Variants in PRPF8 observed in about 807,000 individuals in gnomAD.
PRPF8 encodes pre-mRNA-processing-splicing factor 8.
PRPF8 carries 64 observed loss-of-function variants against 285.9 expected under a neutral mutation model. That is an observed-to-expected ratio of 0.22 (90% CI 0.18 to 0.28). The LOEUF (loss-of-function observed/expected upper bound fraction) is 0.28, where lower values mean the gene tolerates loss of function less well. PRPF8 is among the 10% of genes least tolerant of loss of function. The pLI is 1.00. For missense variants in PRPF8, 1,426 were observed against 3,026.7 expected (o/e 0.47, Z 12.41); for synonymous variants, 1,325 against 1,118.2 (o/e 1.18, Z -3.69).
chr17:1,653,848 A>G lies in PRPF8; in HGVS notation c.6156T>C (p.Asp2052=). Residue 2052 remains aspartate, a synonymous_variant, in exon 38 of 43, where the codon GAT becomes GAC. Transcript: ENST00000304992. This position sits in a 1 kb window ranked among gnomAD's most constrained non-coding sequence, Gnocchi z 4.9. The stretch of plus-strand genomic sequence containing the variant: ...TGCTGGTGGTGGAGGTGATGATCTC[A>G]TCGCCATGCTTGTTGACAGTGCGAG... ...TQTRTVNKHG[D]EIITSTTSNY... The G allele has an allele frequency of 6.2e-7, 1 of 1,613,842 alleles. No homozygotes were observed. The highest frequency in any genetic ancestry group is 8.5e-7 in the Non-Finnish European group (1 of 1,179,782).
rs763572963 is a variant in PRPF8, at chr17:1,679,089, G to A, written c.1527C>T (p.His509=). 6.2e-7 allele frequency: 1 copy of A among 1,614,176 alleles called. No individual in the cohort carries two copies. The highest frequency in any genetic ancestry group is 1.7e-5 in the Admixed American group (1 of 60,020). ...QGYNMLNLLI[H]RKNLNYLHLD... ...GGTGCAGGTAGTTGAGGTTTTTGCGGTGAATGAGAAGGTTGAGCATGTTGT... is the reference window on the plus strand; with the variant it reads ...GGTGCAGGTAGTTGAGGTTTTTGCGATGAATGAGAAGGTTGAGCATGTTGT... Residue 509 remains histidine, a synonymous_variant, in exon 11 of 43, where the codon CAC becomes CAT. Transcript: ENST00000304992. This position sits in a 1 kb window ranked among gnomAD's most constrained non-coding sequence, Gnocchi z 4.7.
chr17:1,676,035 G>A lies in PRPF8; in HGVS notation c.2572C>T (p.Gln858Ter). 6.2e-7 allele frequency: 1 copy of A among 1,613,342 alleles called. No individual in the cohort carries two copies. The highest frequency in any genetic ancestry group is 8.5e-7 in the Non-Finnish European group (1 of 1,180,020). ...AGACCTAGCTCCTCCCTCTGAGACT[G>A]GTTCAACCGAGACTTCACACTGACA... ...EAYSVKSRLN[Q>*]SQREELGLIE... The change falls in exon 18 of 43, where the codon CAG (glutamine) becomes TAG (stop). Residue 858 changes from glutamine to a stop codon, truncating the protein, a stop_gained. Transcript: ENST00000304992. LOFTEE classifies it high-confidence loss of function. This position sits in a 1 kb window ranked among gnomAD's most constrained non-coding sequence, Gnocchi z 6.3.
At chr17:1,664,563 T>C (rs1426762864) in intron 24 of PRPF8, among the ~76,000 whole-genome samples, 1 of 151,966 alleles carries the variant, frequency 6.6e-6, no homozygotes, top group Admixed American at 6.6e-5. Context: ...TCCCAACTCT[T>C]TGGAAGGCTG....
chr17:1,680,155 G>A (rs967761383), intron 8 of PRPF8, among the ~76,000 whole-genome samples: 49 of 152,154 alleles, frequency 3.2e-4, no homozygotes, highest in African/African-American at 1.2e-3. Flanking sequence ...ATTATGGTAA[G>A]CTTAAGAAGC....
intron 24 of PRPF8, 151 bp downstream of exon 24, chr17:1,672,930 T>C: frequency 1.3e-6 from 1 of 762,408 alleles, no homozygotes; most frequent in Non-Finnish European, 2.4e-6. Context: ...TGACCTGACA[T>C]ACTATAAGCC....
intron 36 of PRPF8, 103 bp downstream of exon 36, chr17:1,656,289 C>CTA (rs1911382713): frequency 7.0e-7 from 1 of 1,429,708 alleles, no homozygotes; most frequent in African/African-American, 1.4e-5. Flanking sequence ...CCCACCCAAT[C>CTA]TATAGGCTAA....
chr17:1,665,671 G>C (rs1911933317), intron 24 of PRPF8, among the ~76,000 whole-genome samples: 2 of 151,836 alleles, frequency 1.3e-5, no homozygotes, highest in Admixed American at 1.3e-4. Flanking sequence ...GTGAAACCCT[G>C]TCTCTACTAA....
rs761517820 is a variant in PRPF8, at chr17:1,658,682, C to T, written c.5220G>A (p.Leu1740=). 24 of 1,614,230 alleles carry T rather than the reference C, an allele frequency of 1.5e-5. 1 individual carries two copies. In the South Asian group the frequency reaches 2.1e-4, roughly 14 times the overall value. Residue 1740 remains leucine, a synonymous_variant, in exon 33 of 43, where the codon CTG becomes CTA. Coordinates refer to ENST00000304992, the MANE Select transcript of PRPF8 (RefSeq NM_006445.4). The surrounding 1 kb of genome is among the most constrained non-coding windows in gnomAD (Gnocchi z 4.1). ...MAKIMKANPA[L]YVLRERIRKG... ...TGCGGATCCGTTCACGTAACACATA[C>T]AGGGCAGGGTTTGCCTTCATGATCT...
intron 34 of PRPF8, among the ~76,000 whole-genome samples, chr17:1,656,969 C>T (rs1911421057): frequency 6.6e-6 from 1 of 152,164 alleles, no homozygotes. Flanking sequence ...ATACCACAAG[C>T]TGACACATGA....
chr17:1,651,913 C>T lies in PRPF8; in HGVS notation c.6370-125G>A. On this transcript the variant is annotated intron_variant, in intron 39 of 42. Coordinates refer to ENST00000304992, the MANE Select transcript of PRPF8 (RefSeq NM_006445.4). The surrounding 1 kb of genome is among the most constrained non-coding windows in gnomAD (Gnocchi z 5.1). The stretch of plus-strand genomic sequence containing the variant: ...AGAGTTTCTTAAAACGTGATCAGAA[C>T]CCCCTGTATCAGAATCAGCTGGGGT... 2.4e-6 allele frequency: 3 copies of T among 1,237,742 alleles called. No individual in the cohort carries two copies. Among genetic ancestry groups the T allele is most frequent in the South Asian group, 1.2e-5 (1 of 82,780 alleles). The allele number at this position is 1,237,742 out of a possible 1,614,324, so 76.7% of individuals were successfully genotyped here. A position where few individuals can be genotyped will look rare whatever the true frequency, so the allele number is the denominator to read the frequency against.
In PRPF8 at chr17:1,659,300, A is replaced by C. The variant is rs1260134076; in HGVS notation, c.5138+57T>G. On this transcript the variant is annotated intron_variant, in intron 32 of 42. Coordinates refer to ENST00000304992, the MANE Select transcript of PRPF8 (RefSeq NM_006445.4). This position sits in a 1 kb window ranked among gnomAD's most constrained non-coding sequence, Gnocchi z 5.1. ...CGCGGCCTCCCAAAGTGCTGGGATT[A>C]CAGGTGTGAGCCACTGCGCCTGGCC... The C allele has an allele frequency of 6.3e-7, 1 of 1,595,986 alleles. No individual in the cohort carries two copies. Among genetic ancestry groups the C allele is most frequent in the Non-Finnish European group, 8.6e-7 (1 of 1,164,940 alleles).
intron 24 of PRPF8, among the ~76,000 whole-genome samples, chr17:1,668,544 A>G (rs906103961): frequency 2.6e-5 from 4 of 151,458 alleles, no homozygotes; most frequent in Admixed American, 2.6e-4. Context: ...TTGTATTTTT[A>G]GTAGAGACGG....
intron 30 of PRPF8, 43 bp from the exon 31 acceptor site, chr17:1,660,044 C>A (rs1911595054): frequency 6.3e-7 from 1 of 1,589,348 alleles, no homozygotes; most frequent in African/African-American, 1.3e-5. Context: ...TAAGGAAGCC[C>A]AATTAAAATC....
chr17:1,682,063 C>G, intron 4 of PRPF8, 25 bp from the exon 5 acceptor site: 1 of 1,613,740 alleles, frequency 6.2e-7, no homozygotes, highest in Non-Finnish European at 8.5e-7. Context: ...ATCACACAAC[C>G]ATTTCTACCC....
At position 1,659,730 on chromosome 17, in the gene PRPF8, G is replaced by A; in HGVS notation, c.4946+111C>T. The A allele has an allele frequency of 1.4e-6, 2 of 1,439,460 alleles. No individual in the cohort carries two copies. Among genetic ancestry groups the A allele is most frequent in the Non-Finnish European group, 1.9e-6 (2 of 1,045,192 alleles). 89.2% of individuals were successfully genotyped at this position (1,439,460 alleles called of 1,614,324 possible). ...TTGACAGGCTCCAAGCGTAGCACTG[G>A]CTCCAAGTTTGAAACAAAGGCAGAC... On this transcript the variant is annotated intron_variant, in intron 31 of 42. Transcript: ENST00000304992. The surrounding 1 kb of genome is among the most constrained non-coding windows in gnomAD (Gnocchi z 5.1).
Position 1,682,294 on chromosome 17 carries a change from C to G in PRPF8, c.270-1G>C, listed in dbSNP as rs1912971851. 1 of 1,613,914 alleles carries G rather than the reference C, an allele frequency of 6.2e-7. No individual in the cohort carries two copies. Among genetic ancestry groups the G allele is most frequent in the Non-Finnish European group, 8.5e-7 (1 of 1,179,926 alleles). ...TGCGTGGGGCATGTACTTTAGGGCA[C>G]TGGCACATTAGAAAAAGAGAAGGCT... On this transcript the variant is annotated splice_acceptor_variant, in intron 3 of 42. Coordinates refer to ENST00000304992, the MANE Select transcript of PRPF8 (RefSeq NM_006445.4). LOFTEE classifies it high-confidence loss of function.
Position 1,662,162 on chromosome 17 carries a change from A to C in PRPF8, c.3775-9T>G. The C allele has an allele frequency of 6.2e-7, 1 of 1,614,190 alleles. No homozygotes were observed. Among genetic ancestry groups the C allele is most frequent in the Admixed American group, 1.7e-5 (1 of 60,028 alleles). ...TTCCACTTATTCACAATCTAAAGGT[A>C]GTAGAAAAAAAAGTAAATTACAGAT... On this transcript the variant is annotated splice_polypyrimidine_tract_variant and intron_variant, in intron 24 of 42. Coordinates refer to ENST00000304992, the MANE Select transcript of PRPF8 (RefSeq NM_006445.4).
intron 24 of PRPF8, among the ~76,000 whole-genome samples, chr17:1,669,852 TCCTC>T (rs1324889783): frequency 6.6e-6 from 1 of 152,106 alleles, no homozygotes; most frequent in African/African-American, 2.4e-5. Context: ...ATTTCCAAAT[TCCTC>T]CCTCTCCTCT....
chr17:1,661,953 G>A lies in PRPF8; in HGVS notation c.3975C>T (p.Leu1325=), dbSNP rs375341985. Residue 1325 remains leucine (L), a synonymous_variant, in exon 25 of 43, where the codon CTC becomes CTT. Coordinates refer to ENST00000304992, the MANE Select transcript of PRPF8 (RefSeq NM_006445.4). This position sits in a 1 kb window ranked among gnomAD's most constrained non-coding sequence, Gnocchi z 7.3. The stretch of plus-strand genomic sequence containing the variant: ...GCACATGGCCCATTGAGAGCATGCC[G>A]AGTCCACCCAACTCCTTAGGGGTGT... The part of the protein sequence containing the change: ...VFYTPKELGG[L]GMLSMGHVLI... The A allele has an allele frequency of 9.3e-5, 150 of 1,614,026 alleles. No individual in the cohort carries two copies. The highest frequency in any genetic ancestry group is 1.2e-4 in the Non-Finnish European group (144 of 1,180,026).
Sources: gnomAD v4.1 joint callset for allele counts (sites outside exome capture counted in the v4.1 genomes callset) on GRCh38, gnomAD v4.1.1 for gene constraint, Gnocchi (gnomAD v3.1) non-coding constraint, MANE v1.5 for transcripts, NCBI Gene and HGNC (gene_info 2026-07-23, HGNC 2026-07-21) for gene names.